USH2A: variants seen among roughly 807,000 people sequenced by gnomAD.
USH2A encodes the protein usherin, also known as Usher syndrome 2A (autosomal recessive, mild).
A neutral mutation model predicts 538.9 loss-of-function variants in USH2A; 443 were observed. The ratio of observed to expected loss-of-function variants is 0.82; its 90% CI spans 0.76 to 0.89. USH2A has a LOEUF of 0.89. USH2A is among the 40% of genes least tolerant of loss of function. USH2A has a pLI of 0.00. For missense variants in USH2A, 6,633 were observed against 6,324.8 expected, an observed-to-expected ratio of 1.05 and a Z score of -1.65; for synonymous variants, 2,413 against 2,273.5, an observed-to-expected ratio of 1.06 and a Z score of -1.75.
At chr1:215,791,793 C>T (rs4550020) in intron 50 of USH2A, among the ~76,000 whole-genome samples, 28,026 of 151,904 alleles carry the variant, frequency 0.18, 2,857 homozygotes, top group Non-Finnish European at 0.22. Flanking sequence ...TAAGTACATA[C>T]CCAAATACAC....
intron 37 of USH2A, among the ~76,000 whole-genome samples, chr1:215,948,190 A>C (rs958536727): frequency 1.3e-5 from 2 of 152,016 alleles, no homozygotes; most frequent in Non-Finnish European, 2.9e-5. Context: ...AAATGCTTCC[A>C]ATAGTTTTGC....
intron 21 of USH2A, among the ~76,000 whole-genome samples, chr1:216,165,657 G>T (rs531998430): frequency 6.6e-6 from 1 of 152,116 alleles, no homozygotes; most frequent in Admixed American, 6.5e-5. Flanking sequence ...TCCATCTTTT[G>T]GATTTCCCTC....
At chr1:216,025,418 G>GAT (rs954577270) in intron 32 of USH2A, among the ~76,000 whole-genome samples, 21 of 151,636 alleles carry the variant, frequency 1.4e-4, no homozygotes, top group African/African-American at 5.1e-4. Context: ...ATTAGTCTCT[G>GAT]ATAGTCTCCT....
chr1:216,200,890 G>A (rs2102469054), intron 16 of USH2A, among the ~76,000 whole-genome samples: 1 of 152,070 alleles, frequency 6.6e-6, no homozygotes, highest in East Asian at 1.9e-4. Flanking sequence ...ATGCGAGGAG[G>A]GTTCCATTAA....
At chr1:216,063,730 A>G (rs1016912699) in intron 30 of USH2A, among the ~76,000 whole-genome samples, 5 of 152,234 alleles carry the variant, frequency 3.3e-5, no homozygotes, top group African/African-American at 1.2e-4. Flanking sequence ...CTGCAGAGAT[A>G]TATAGAAGTC....
intron 21 of USH2A, among the ~76,000 whole-genome samples, chr1:216,162,472 A>G (rs959083359): frequency 6.6e-6 from 1 of 152,052 alleles, no homozygotes; most frequent in Non-Finnish European, 1.5e-5. Context: ...TCTATCGACT[A>G]TTAACATTTC....
At chr1:215,875,930 AT>A (rs1664755420) in intron 43 of USH2A, among the ~76,000 whole-genome samples, 1 of 144,436 alleles carries the variant, frequency 6.9e-6, no homozygotes, top group Non-Finnish European at 1.5e-5. Flanking sequence ...TATATTGATT[AT>A]TATATATAAT....
At chr1:216,141,027 C>CT (rs1228763426) in intron 21 of USH2A, among the ~76,000 whole-genome samples, 1 of 152,248 alleles carries the variant, frequency 6.6e-6, no homozygotes, top group Non-Finnish European at 1.5e-5. Context: ...GCATTTTAAA[C>CT]TTTGTGACTA....
intron 44 of USH2A, among the ~76,000 whole-genome samples, chr1:215,853,776 C>A (rs750084317): frequency 1.1e-4 from 17 of 152,158 alleles, no homozygotes; most frequent in Non-Finnish European, 1.9e-4. Flanking sequence ...TAAAACATAA[C>A]AAGAGTCACC....
chr1:216,026,202 G>T (rs890184742), intron 32 of USH2A, among the ~76,000 whole-genome samples: 1 of 152,104 alleles, frequency 6.6e-6, no homozygotes, highest in African/African-American at 2.4e-5. Context: ...GCCATTCGCA[G>T]TTTTCCTCTC....
At chr1:216,091,556 G>A (rs1439685070) in intron 22 of USH2A, among the ~76,000 whole-genome samples, 2 of 152,142 alleles carry the variant, frequency 1.3e-5, no homozygotes, top group African/African-American at 2.4e-5. Context: ...CCAATTTTAT[G>A]TACTATGAAG....
At chr1:216,144,543 A>G (rs973196247) in intron 21 of USH2A, among the ~76,000 whole-genome samples, 2 of 152,186 alleles carry the variant, frequency 1.3e-5, no homozygotes, top group African/African-American at 4.8e-5. Context: ...ATTTATATAT[A>G]ATACTAGGAA....
chr1:215,720,463 G>T (rs1659622521), intron 61 of USH2A, among the ~76,000 whole-genome samples: 1 of 152,106 alleles, frequency 6.6e-6, no homozygotes, highest in Non-Finnish European at 1.5e-5. Context: ...CATAGTTTTG[G>T]GATAATAGGC....
At chr1:215,688,935 T>A (rs1658516338) in intron 61 of USH2A, among the ~76,000 whole-genome samples, 1 of 151,980 alleles carries the variant, frequency 6.6e-6, no homozygotes, top group East Asian at 1.9e-4. Flanking sequence ...GGGGTAATAG[T>A]GGCTTGGACT....
At chr1:215,856,737 C>A (rs1664178063) in intron 44 of USH2A, among the ~76,000 whole-genome samples, 1 of 152,028 alleles carries the variant, frequency 6.6e-6, no homozygotes, top group African/African-American at 2.4e-5. Context: ...TGAAAAGATA[C>A]TTACACATGC....
chr1:216,128,270 G>T (rs143532787), intron 21 of USH2A, among the ~76,000 whole-genome samples: 96 of 152,166 alleles, frequency 6.3e-4, no homozygotes, highest in African/African-American at 2.3e-3. Context: ...TAAAAACAAT[G>T]TGTAATTTAG....
At chr1:216,100,170 G>A (rs2032543947) in intron 21 of USH2A, among the ~76,000 whole-genome samples, 1 of 152,174 alleles carries the variant, frequency 6.6e-6, no homozygotes, top group Admixed American at 6.5e-5. Flanking sequence ...TACGGAGCTG[G>A]TAATGACATA....
chr1:215,978,522 C>G (rs1392153418), intron 35 of USH2A, among the ~76,000 whole-genome samples: 1 of 152,090 alleles, frequency 6.6e-6, no homozygotes, highest in Non-Finnish European at 1.5e-5. Context: ...AAGTACTATA[C>G]TTGGTATTTT....
chr1:216,103,810 T>A (rs1428218602), intron 21 of USH2A, among the ~76,000 whole-genome samples: 2 of 152,120 alleles, frequency 1.3e-5, no homozygotes, highest in Non-Finnish European at 2.9e-5. Flanking sequence ...GAGAAAGATG[T>A]TCAGTGTCAT....
Sources: allele counts gnomAD v4.1 joint callset (sites outside exome capture counted in the v4.1 genomes callset), GRCh38; gene constraint gnomAD v4.1.1; transcripts MANE v1.5; gene names NCBI Gene and HGNC (gene_info 2026-07-23, HGNC 2026-07-21).